MRC1: variants seen among roughly 807,000 people sequenced by gnomAD.
MRC1 encodes mannose receptor C-type 1, also known as macrophage mannose receptor 1.
In MRC1, 62 loss-of-function variants were observed where a neutral mutation model predicts 102.9. The observed-to-expected ratio is 0.60, with a 90% confidence interval of 0.49 to 0.74. The LOEUF is 0.74. MRC1 is among the 30% of genes least tolerant of loss of function. The pLI is 0.00. For missense variants in MRC1, 1,237 were observed against 862.8 expected (o/e 1.43, Z -5.43); for synonymous variants, 457 against 298.4 (o/e 1.53, Z -5.48).
chr10:17,822,067 G>A (rs34622420), intron 1 of MRC1, among the ~76,000 whole-genome samples: 3,210 of 152,230 alleles, frequency 0.021, 117 homozygotes, highest in African/African-American at 0.074. Flanking sequence ...ATGCTTACCA[G>A]ATCCTTTTTT....
At chr10:17,845,114 C>T (rs2130633496) in intron 5 of MRC1, 175 bp from the exon 6 acceptor site, 3 of 778,210 alleles carry the variant, frequency 3.9e-6, no homozygotes, top group Non-Finnish European at 7.2e-6. Context: ...AAACAATAGA[C>T]ACCCATCGTG....
intron 18 of MRC1, among the ~76,000 whole-genome samples, chr10:17,878,172 T>C (rs1021352929): frequency 2.0e-5 from 3 of 152,204 alleles, no homozygotes; most frequent in Admixed American, 6.5e-5. Flanking sequence ...AACTCAAAAT[T>C]GGATTCAGTT....
At chr10:17,836,750 G>C (rs1490695822) in intron 4 of MRC1, among the ~76,000 whole-genome samples, 1 of 151,824 alleles carries the variant, frequency 6.6e-6, no homozygotes, top group Non-Finnish European at 1.5e-5. Context: ...GTAGGAGAAT[G>C]GCTTGAACCT....
chr10:17,907,605 C>T lies in MRC1; in HGVS notation c.3985C>T (p.Arg1329Trp), dbSNP rs782546027. ...GAACACAGGAGATCCCTCTGGTGAA[C>T]GGAATGATTGTGTAGCTTTACATGC... ...NWNTGDPSGE[R>W]NDCVALHASS... Residue 1329 changes from arginine (R) to tryptophan (W), a missense_variant, in exon 28 of 30, where the codon CGG (arginine) becomes TGG (tryptophan). By Grantham distance (101) the Arg-to-Trp change is moderately radical. Coordinates refer to ENST00000569591, the MANE Select transcript of MRC1 (RefSeq NM_002438.4). The T allele has an allele frequency of 2.6e-5, 20 of 780,716 alleles. No homozygotes were observed. The highest frequency in any genetic ancestry group is 1.1e-4 in the South Asian group (8 of 74,620). The allele number at this position is 780,716 out of a possible 1,614,324, so 48.4% of individuals were successfully genotyped here.
chr10:17,812,196 G>A (rs1162274782), intron 1 of MRC1, among the ~76,000 whole-genome samples: 5 of 152,282 alleles, frequency 3.3e-5, no homozygotes, highest in South Asian at 4.2e-4. Flanking sequence ...GAGTCTAGAG[G>A]TTAACAGGGC....
intron 6 of MRC1, among the ~76,000 whole-genome samples, chr10:17,848,260 C>G (rs1838856101): frequency 1.3e-5 from 2 of 152,186 alleles, no homozygotes; most frequent in African/African-American, 4.8e-5. Flanking sequence ...TAGTCCCCTT[C>G]TAAGCAAAAC....
At chr10:17,902,344 C>T (rs1833839814) in intron 26 of MRC1, among the ~76,000 whole-genome samples, 1 of 152,132 alleles carries the variant, frequency 6.6e-6, no homozygotes, top group African/African-American at 2.4e-5. Context: ...ACAGCGTATT[C>T]TAAATGGTTT....
rs1263226096 is a variant in MRC1 at position 17,823,531 on chromosome 10, G to A, written c.463+56G>A. 4 of 777,654 alleles carry A rather than the reference G, an allele frequency of 5.1e-6. No homozygotes were observed. The East Asian group carries it at 7.3e-5, about 14-fold the overall frequency. 48.2% of individuals were successfully genotyped at this position (777,654 alleles called of 1,614,324 possible). A position where few individuals can be genotyped will look rare whatever the true frequency, so the allele number is the denominator to read the frequency against. On this transcript the variant is annotated intron_variant, in intron 2 of 29. Transcript: ENST00000569591. The stretch of plus-strand genomic sequence containing the variant: ...TGAAATTTTCTCGTCTTCTTAGTTG[G>A]AACCTGATTCAAGAAAATCATCATG...
intron 4 of MRC1, among the ~76,000 whole-genome samples, chr10:17,835,075 A>G (rs1487238076): frequency 2.6e-5 from 4 of 152,206 alleles, no homozygotes; most frequent in African/African-American, 9.7e-5. Flanking sequence ...CCGGTCTTGC[A>G]TTTTGCGGTC....
chr10:17,825,059 G>C (rs2130594925), intron 2 of MRC1, among the ~76,000 whole-genome samples: 1 of 151,886 alleles, frequency 6.6e-6, no homozygotes, highest in African/African-American at 2.4e-5. Context: ...AGGGTCTATT[G>C]ACTACATTTT....
At chr10:17,839,093 A>G (rs1838712172) in intron 4 of MRC1, among the ~76,000 whole-genome samples, 1 of 152,144 alleles carries the variant, frequency 6.6e-6, no homozygotes, top group South Asian at 2.1e-4. Flanking sequence ...AACAGTAGTA[A>G]CTTATATTTA....
intron 12 of MRC1, among the ~76,000 whole-genome samples, chr10:17,867,871 T>C (rs1355010679): frequency 1.3e-5 from 2 of 152,218 alleles, no homozygotes; most frequent in African/African-American, 4.8e-5. Context: ...AAGAGAGTCC[T>C]CCCTTTTTCT....
At chr10:17,852,911 C>T (rs1454631974) in intron 7 of MRC1, 56 bp from the exon 8 acceptor site, 1 of 780,504 alleles carries the variant, frequency 1.3e-6, no homozygotes, top group Non-Finnish European at 2.4e-6. Flanking sequence ...CCTTTTACCC[C>T]CCGACCTTTG....
rs1838884431 is a variant in MRC1 at position 17,849,698 on chromosome 10, G to A, written c.1183G>A (p.Gly395Ser). 5 of 780,826 alleles carry A rather than the reference G, an allele frequency of 6.4e-6. No homozygotes were observed. In the Admixed American group the frequency reaches 8.5e-5, roughly 13 times the overall value. 48.4% of individuals were successfully genotyped at this position (780,826 alleles called of 1,614,324 possible). The change falls in exon 7 of 30, where the codon GGC (glycine) becomes AGC (serine). Residue 395 changes from glycine (G) to serine (S), a missense_variant. Coordinates refer to ENST00000569591, the MANE Select transcript of MRC1 (RefSeq NM_002438.4). The stretch of plus-strand genomic sequence containing the variant: ...TGCTCTGACCACCTGCAGGAAGGAA[G>A]GCGGTGACCTCACAAGTATCCACAC... ...RDALTTCRKEGGDLTSIHTIE... is the reference protein window; with the variant it reads ...RDALTTCRKESGDLTSIHTIE...
chr10:17,827,367 AT>A (rs1838492829), intron 2 of MRC1, among the ~76,000 whole-genome samples, 174 bp from the exon 3 acceptor site: 1 of 120,030 alleles, frequency 8.3e-6, no homozygotes, highest in African/African-American at 3.5e-5. Flanking sequence ...AGGAAAAAAA[AT>A]ACCCAAAAAA....
At position 17,860,462 on chromosome 10, in the gene MRC1, A is replaced by G. The variant is rs1589182282; in HGVS notation, c.1519-925A>G. ...AGCTAATTTTATAAAATTTTCTGTA[A>G]AGATAGGGACTCACTATGTTGCCCA... On this transcript the variant is annotated intron_variant, in intron 9 of 29. Transcript: ENST00000569591. 6.6e-5 allele frequency among the ~76,000 whole-genome samples: 10 copies of G among 151,980 alleles called. 2 individuals carry two copies. The highest frequency in any genetic ancestry group is 1.9e-4 in the East Asian group (1 of 5,162).
intron 12 of MRC1, among the ~76,000 whole-genome samples, chr10:17,867,289 T>C (rs1833285192): frequency 6.9e-6 from 1 of 144,198 alleles, no homozygotes; most frequent in Non-Finnish European, 1.5e-5. Flanking sequence ...TCTTCCTTCT[T>C]TCTTCGTTCC....
At chr10:17,903,678 G>A (rs899348330) in intron 26 of MRC1, among the ~76,000 whole-genome samples, 17 of 152,104 alleles carry the variant, frequency 1.1e-4, no homozygotes, top group Admixed American at 9.8e-4. Context: ...TTACTGGTGT[G>A]AGCCACTGCA....
At chr10:17,852,292 G>A (rs1016998771) in intron 7 of MRC1, among the ~76,000 whole-genome samples, 13 of 152,156 alleles carry the variant, frequency 8.5e-5, no homozygotes, top group South Asian at 8.3e-4. Context: ...AAGTTTTGCT[G>A]GAATTTCCTG....
Sources: gnomAD v4.1 joint callset for allele counts (sites outside exome capture counted in the v4.1 genomes callset) on GRCh38, gnomAD v4.1.1 for gene constraint, MANE v1.5 for transcripts, NCBI Gene and HGNC (gene_info 2026-07-23, HGNC 2026-07-21) for gene names.